Variants in PLCL1 observed in about 807,000 individuals in gnomAD.
PLCL1 encodes the protein phospholipase C like 1 (inactive).
Under a neutral mutation model 84.4 loss-of-function variants are expected in PLCL1, and 41 were observed. The ratio of observed to expected loss-of-function variants is 0.49; its 90% confidence interval spans 0.38 to 0.63. The LOEUF (loss-of-function observed/expected upper bound fraction) is 0.63. Ranked by LOEUF, PLCL1 falls within the 30% of genes least tolerant of loss-of-function variation. The pLI, the probability that PLCL1 is intolerant of heterozygous loss-of-function variation, is 0.00. For synonymous variants in PLCL1, 490 were observed against 488.3 expected (o/e 1.00, Z -0.05); for missense variants, 1,206 against 1,367.8 (o/e 0.88, Z 1.87).
At chr2:198,042,724 C>T (rs1021073632) in intron 1 of PLCL1, among the ~76,000 whole-genome samples, 4 of 152,196 alleles carry the variant, frequency 2.6e-5, no homozygotes, top group South Asian at 2.1e-4. Context: ...GGAAATATTA[C>T]GTGCATAGTC....
intron 1 of PLCL1, among the ~76,000 whole-genome samples, chr2:198,018,142 C>A (rs1414997566): frequency 6.6e-6 from 1 of 152,138 alleles, no homozygotes; most frequent in Non-Finnish European, 1.5e-5. Context: ...GGGGAACTCC[C>A]TTCCTATCCA....
In PLCL1 at chr2:197,979,139, G is replaced by A. The variant is rs1025459074; in HGVS notation, c.241-104619G>A. 6.1e-4 allele frequency among the ~76,000 whole-genome samples: 93 copies of A among 152,078 alleles called. 3 individuals are homozygous for A. The highest frequency in any genetic ancestry group is 1.2e-4 in the Non-Finnish European group (8 of 68,022). On this transcript the variant is annotated intron_variant, in intron 1 of 5. Transcript: ENST00000428675. ...CCATTTTCCTGACCTATGATCTCACGAAAGCTAATAGTATCTGTTATGGAC... is the reference window on the plus strand; with the variant it reads ...CCATTTTCCTGACCTATGATCTCACAAAAGCTAATAGTATCTGTTATGGAC...
At chr2:197,949,467 T>C (rs568221279) in intron 1 of PLCL1, among the ~76,000 whole-genome samples, 1 of 152,288 alleles carries the variant, frequency 6.6e-6, no homozygotes, top group South Asian at 2.1e-4. Flanking sequence ...ACTCATGATC[T>C]TAACAGCTGT....
At chr2:197,808,256 G>T (rs1690520529) in intron 1 of PLCL1, among the ~76,000 whole-genome samples, 1 of 152,102 alleles carries the variant, frequency 6.6e-6, no homozygotes, top group Admixed American at 6.5e-5. Context: ...TAATGCAATA[G>T]AATCCATTTT....
chr2:198,003,431 A>C (rs1690652721), intron 1 of PLCL1, among the ~76,000 whole-genome samples: 1 of 152,092 alleles, frequency 6.6e-6, no homozygotes, highest in South Asian at 2.1e-4. Context: ...AGGCATGAAA[A>C]CCATCCTTGG....
At chr2:197,972,287 A>G (rs1689886218) in intron 1 of PLCL1, among the ~76,000 whole-genome samples, 1 of 152,226 alleles carries the variant, frequency 6.6e-6, no homozygotes, top group East Asian at 1.9e-4. Flanking sequence ...TTGGAACTCT[A>G]ATTTCTTGGA....
At chr2:198,018,321 G>A (rs1165051806) in intron 1 of PLCL1, among the ~76,000 whole-genome samples, 2 of 152,166 alleles carry the variant, frequency 1.3e-5, no homozygotes, top group African/African-American at 4.8e-5. Flanking sequence ...GGCAGACATC[G>A]AACTAGCTGC....
chr2:198,137,123 A>G (rs998232976), intron 5 of PLCL1, among the ~76,000 whole-genome samples: 10 of 152,164 alleles, frequency 6.6e-5, no homozygotes, highest in Non-Finnish European at 8.8e-5. Flanking sequence ...ATATCATGTA[A>G]TGTACCTAAA....
At chr2:197,890,532 T>A (rs964459133) in intron 1 of PLCL1, among the ~76,000 whole-genome samples, 1 of 151,862 alleles carries the variant, frequency 6.6e-6, no homozygotes, top group Non-Finnish European at 1.5e-5. Context: ...ATATACATGC[T>A]TATTATACAA....
intron 1 of PLCL1, among the ~76,000 whole-genome samples, chr2:198,013,960 G>A (rs969708556): frequency 2.6e-5 from 4 of 151,978 alleles, no homozygotes; most frequent in South Asian, 4.2e-4. Context: ...TGAACTCTGC[G>A]CTCTTTATGG....
At chr2:198,027,387 A>G (rs1039573252) in intron 1 of PLCL1, among the ~76,000 whole-genome samples, 1 of 152,186 alleles carries the variant, frequency 6.6e-6, no homozygotes, top group South Asian at 2.1e-4. Flanking sequence ...TTCAAAGGGC[A>G]CAAAATTTAG....
At chr2:198,122,832 A>G (rs928616698) in intron 5 of PLCL1, among the ~76,000 whole-genome samples, 1 of 152,182 alleles carries the variant, frequency 6.6e-6, no homozygotes, top group Non-Finnish European at 1.5e-5. Flanking sequence ...CTCTCTAGAC[A>G]GTGTTCTAAG....
chr2:197,925,938 A>G (rs1189071976), intron 1 of PLCL1, among the ~76,000 whole-genome samples: 1 of 152,230 alleles, frequency 6.6e-6, no homozygotes, highest in East Asian at 1.9e-4. Context: ...GATCTTAAAT[A>G]CATTCTGAAT....
In PLCL1 at chr2:197,826,214, G is replaced by A. The variant is rs991431571; in HGVS notation, c.240+20875G>A. 8.5e-5 allele frequency among the ~76,000 whole-genome samples: 13 copies of A among 152,106 alleles called. 1 individual carries two copies. In the East Asian group the frequency reaches 1.4e-3, roughly 16 times the overall value. ...CCCATCTGCTATCTTGAGATACCTC[G>A]TTCACAATAGCATAAGTGAATGTTT... On this transcript the variant is annotated intron_variant, in intron 1 of 5. Transcript: ENST00000428675.
At chr2:197,921,019 G>A (rs1284589387) in intron 1 of PLCL1, among the ~76,000 whole-genome samples, 2 of 152,164 alleles carry the variant, frequency 1.3e-5, no homozygotes, top group Non-Finnish European at 2.9e-5. Context: ...TACTCACATT[G>A]ACAGACTTAG....
chr2:198,016,561 G>A, intron 1 of PLCL1, among the ~76,000 whole-genome samples: 1 of 152,140 alleles, frequency 6.6e-6, no homozygotes, highest in East Asian at 1.9e-4. Flanking sequence ...TGGGAGACTT[G>A]AGCAAATTAT....
At position 197,903,349 on chromosome 2, in the gene PLCL1, T is replaced by C. The variant is rs566455692; in HGVS notation, c.240+98010T>C. ...TGATGAGCCCCAGTTTGCCTACTCC[T>C]GCTCTAGTCCAATGCCTGTATTTTA... On this transcript the variant is annotated intron_variant, in intron 1 of 5. Coordinates refer to ENST00000428675, the MANE Select transcript of PLCL1 (RefSeq NM_006226.4). Among the ~76,000 whole-genome samples the C allele has an allele frequency of 3.3e-5, 5 of 152,262 alleles. 1 individual carries two copies. In the South Asian group the frequency reaches 1.0e-3, roughly 32 times the overall value.
chr2:197,960,636 A>T (rs1173181432), intron 1 of PLCL1, among the ~76,000 whole-genome samples: 1 of 152,134 alleles, frequency 6.6e-6, no homozygotes, highest in Admixed American at 6.6e-5. Context: ...GGAAAAGTGT[A>T]CAATAATGGA....
At chr2:197,807,409 G>GTAGTCTAA (rs1211498210) in intron 1 of PLCL1, among the ~76,000 whole-genome samples, 53 of 62,294 alleles carry the variant, frequency 8.5e-4, no homozygotes, top group African/African-American at 4.6e-3. Context: ...AGCCTAGAGG[G>GTAGTCTAA]GGTAATCTGG....
Sources: allele counts gnomAD v4.1 joint callset (sites outside exome capture counted in the v4.1 genomes callset), GRCh38; gene constraint gnomAD v4.1.1; transcripts MANE v1.5; gene names NCBI Gene and HGNC (gene_info 2026-07-23, HGNC 2026-07-21).